SMCHD1: variants seen among roughly 807,000 people sequenced by gnomAD.
SMCHD1 encodes structural maintenance of chromosomes flexible hinge domain containing 1, also known as structural maintenance of chromosomes flexible hinge domain-containing protein 1.
In SMCHD1, 78 loss-of-function variants were observed where a neutral mutation model predicts 254.7. The ratio of observed to expected loss-of-function variants is 0.31; its 90% confidence interval spans 0.26 to 0.37. SMCHD1 has a LOEUF of 0.37. Ranked by LOEUF, SMCHD1 falls within the 10% of genes least tolerant of loss-of-function variation. SMCHD1 has a pLI of 1.00. For synonymous variants in SMCHD1, 766 were observed against 794.9 expected, an observed-to-expected ratio of 0.96 and a Z score of 0.61; for missense variants, 1,840 against 2,408.1, an observed-to-expected ratio of 0.76 and a Z score of 4.94.
rs1396069628 is a variant in SMCHD1, at chr18:2,686,847, TTATA to T, written c.639-1543_639-1540del. On this transcript the variant is annotated intron_variant, in intron 5 of 47. Transcript: ENST00000320876. Reference sequence around the variant, plus strand: ...TCAATGTTGTCTTTATTTTGATTATTTATATATGAGGATAGGACTTTTTATACCA... The same window carrying T: ...TCAATGTTGTCTTTATTTTGATTATTTATGAGGATAGGACTTTTTATACCA... 3.3e-5 allele frequency among the ~76,000 whole-genome samples: 5 copies of T among 152,272 alleles called. No homozygotes were observed. In the East Asian group the frequency reaches 9.6e-4, roughly 29 times the overall value.
intron 7 of SMCHD1, among the ~76,000 whole-genome samples, chr18:2,693,977 T>C (rs2074236531): frequency 6.6e-6 from 1 of 152,216 alleles, no homozygotes; most frequent in African/African-American, 2.4e-5. Context: ...GAGAAGTTTG[T>C]AATTTTATCC....
At chr18:2,662,971 C>T (rs1291835057) in intron 1 of SMCHD1, among the ~76,000 whole-genome samples, 1 of 152,122 alleles carries the variant, frequency 6.6e-6, no homozygotes, top group Non-Finnish European at 1.5e-5. Flanking sequence ...TTTCTCTGTA[C>T]AGAGGCCTAC....
intron 17 of SMCHD1, among the ~76,000 whole-genome samples, chr18:2,708,914 T>TATATATA (rs1568199382): frequency 1.9e-5 from 1 of 51,586 alleles, no homozygotes; most frequent in African/African-American, 1.1e-4. Context: ...ATATAACATA[T>TATATATA]TAACATGAAA....
Position 2,655,867 on chromosome 18 carries a change from G to A in SMCHD1, c.-209G>A. The stretch of plus-strand genomic sequence containing the variant: ...TGGCGGGCCGCGGAAGTGACGTGGT[G>A]CACGGGCAGGAGCGCGTTTGAATCG... On this transcript the variant is annotated 5_prime_UTR_variant, in exon 1 of 48. Transcript: ENST00000320876. 1 of 366,654 alleles carries A rather than the reference G, an allele frequency of 2.7e-6. No homozygotes were observed. Among genetic ancestry groups the A allele is most frequent in the Non-Finnish European group, 4.8e-6 (1 of 206,708 alleles). 22.7% of individuals were successfully genotyped at this position (366,654 alleles called of 1,614,324 possible). A position where few individuals can be genotyped will look rare whatever the true frequency, so the allele number is the denominator to read the frequency against.
At chr18:2,752,316 T>C (rs1280137885) in intron 33 of SMCHD1, among the ~76,000 whole-genome samples, 172 bp from the exon 34 acceptor site, 3 of 152,168 alleles carry the variant, frequency 2.0e-5, no homozygotes, top group Admixed American at 6.5e-5. Context: ...AATCTCACAT[T>C]GTACCTTACA....
At chr18:2,765,393 T>G (rs1277011636) in intron 37 of SMCHD1, among the ~76,000 whole-genome samples, 1 of 152,210 alleles carries the variant, frequency 6.6e-6, no homozygotes, top group Non-Finnish European at 1.5e-5. Context: ...TGTATTTTTG[T>G]TGTTGTTCAT....
rs759140838 is a variant in SMCHD1 at position 2,747,601 on chromosome 18, C to T, written c.3881C>T (p.Pro1294Leu). 6.2e-6 allele frequency: 10 copies of T among 1,608,576 alleles called. No individual in the cohort carries two copies. The highest frequency in any genetic ancestry group is 2.2e-5 in the South Asian group (2 of 90,406). The change falls in exon 30 of 48, where the codon CCG becomes CTG. Residue 1294 changes from proline (P) to leucine (L), a missense_variant. Around this residue, in one of 9 missense-constraint regions of SMCHD1, gnomAD observed 881 missense variants for 1,009.5 expected, o/e 0.87. Coordinates refer to ENST00000320876, the MANE Select transcript of SMCHD1 (RefSeq NM_015295.3). ...QLCDQWDNPA[P>L]VQHVKISLTK... ...TGTGATCAGTGGGATAATCCAGCAC[C>T]GGTACAACATGTTAAAATAAGTCTT...
chr18:2,772,474 A>G, intron 41 of SMCHD1, 102 bp downstream of exon 41: 1 of 1,018,142 alleles, frequency 9.8e-7, no homozygotes, highest in Non-Finnish European at 1.4e-6. Context: ...GTTCTTTGTA[A>G]TTTACTTCTT....
In SMCHD1 at chr18:2,703,688, A is replaced by T. The variant is rs774078270; in HGVS notation, c.1648-4A>T. ...ATTTCATAAAACATTTTAAAATTCT[A>T]CAGGAACAGCGAATGAAAATTGACA... On this transcript the variant is annotated splice_region_variant and splice_polypyrimidine_tract_variant and intron_variant, in intron 12 of 47. Transcript: ENST00000320876. 3.7e-6 allele frequency: 6 copies of T among 1,600,862 alleles called. No homozygotes were observed. The highest frequency in any genetic ancestry group is 1.4e-5 in the African/African-American group (1 of 74,072).
At chr18:2,673,687 G>A (rs181650227) in intron 4 of SMCHD1, among the ~76,000 whole-genome samples, 2 of 152,218 alleles carry the variant, frequency 1.3e-5, no homozygotes, top group Admixed American at 6.5e-5. Flanking sequence ...GTGTTCTGTT[G>A]TTGAACATTT....
intron 17 of SMCHD1, among the ~76,000 whole-genome samples, chr18:2,715,760 G>A (rs142739767): frequency 1.7e-3 from 254 of 152,288 alleles, no homozygotes; most frequent in Non-Finnish European, 2.7e-3. Context: ...AGGAGGCTGA[G>A]GTGGGAGGAT....
intron 12 of SMCHD1, among the ~76,000 whole-genome samples, chr18:2,702,685 C>T (rs1174857150): frequency 6.6e-6 from 1 of 152,092 alleles, no homozygotes; most frequent in African/African-American, 2.4e-5. Context: ...GAGTCTTTAC[C>T]ATGTATATAT....
At chr18:2,726,917 G>T (rs1006998422) in intron 22 of SMCHD1, 1 of 154,450 alleles carries the variant, frequency 6.5e-6, no homozygotes, top group African/African-American at 2.4e-5. Flanking sequence ...CTGAGAAAAT[G>T]AAGTTGCATT....
intron 17 of SMCHD1, among the ~76,000 whole-genome samples, chr18:2,711,265 T>C (rs78107873): frequency 4.0e-4 from 24 of 60,272 alleles, no homozygotes; most frequent in Non-Finnish European, 5.8e-4. Context: ...CATGGCTCCC[T>C]TTTTTTTTTT....
In SMCHD1 at chr18:2,674,614, C is replaced by G. The variant is rs896657778; in HGVS notation, c.638+469C>G. On this transcript the variant is annotated intron_variant, in intron 5 of 47. Coordinates refer to ENST00000320876, the MANE Select transcript of SMCHD1 (RefSeq NM_015295.3). Reference sequence around the variant, plus strand: ...TCAGAATGTGCTTGTAGAAAATATCCTGAATGAGGATGTCACAGGGAAAAC... The same window carrying G: ...TCAGAATGTGCTTGTAGAAAATATCGTGAATGAGGATGTCACAGGGAAAAC... 2.0e-5 allele frequency among the ~76,000 whole-genome samples: 3 copies of G among 152,084 alleles called. 1 individual carries two copies. The highest frequency in any genetic ancestry group is 2.0e-4 in the Admixed American group (3 of 15,266).
intron 1 of SMCHD1, among the ~76,000 whole-genome samples, chr18:2,660,955 A>G (rs951008080): frequency 6.6e-6 from 1 of 152,212 alleles, no homozygotes; most frequent in Non-Finnish European, 1.5e-5. Flanking sequence ...TCAACTGGAT[A>G]AAGATAATGT....
rs145960385 is a variant in SMCHD1, at chr18:2,774,614, G to A, written c.5176-1120G>A. Among the ~76,000 whole-genome samples the A allele has an allele frequency of 8.1e-3, 1,236 of 152,190 alleles. 26 individuals carry two copies. Among genetic ancestry groups the A allele is most frequent in the Non-Finnish European group, 7.5e-3 (513 of 68,004 alleles). The stretch of plus-strand genomic sequence containing the variant: ...TTTAGTGGAGATGGGGTTTCGTGAT[G>A]TTGCCCAAGCTGGTCTCAAACTCCT... On this transcript the variant is annotated intron_variant, in intron 41 of 47. Coordinates refer to ENST00000320876, the MANE Select transcript of SMCHD1 (RefSeq NM_015295.3).
rs761184318 is a variant in SMCHD1, at chr18:2,722,589, C to A, written c.2529C>A (p.Ile843=). Residue 843 remains isoleucine, a synonymous_variant, in exon 20 of 48, where the codon ATC becomes ATA. Transcript: ENST00000320876. ...LPFRVGVPFN[I]PLEFQDEFGH... The stretch of plus-strand genomic sequence containing the variant: ...TTCGTGTTGGAGTTCCATTTAATAT[C>A]CCTCTGGAGTTTCAGGATGAATTTG... 6.2e-6 allele frequency: 10 copies of A among 1,612,870 alleles called. No homozygotes were observed. Among genetic ancestry groups the A allele is most frequent in the South Asian group, 2.2e-5 (2 of 90,972 alleles).
In SMCHD1 at chr18:2,750,400, A is replaced by C. The variant is rs2075548686; in HGVS notation, c.4058A>C (p.Glu1353Ala). 1.2e-6 allele frequency: 2 copies of C among 1,612,736 alleles called. No individual in the cohort carries two copies. ...VKAIYNKSII[E>A]GPIIKLMILP... Reference sequence around the variant, plus strand: ...GCCATCTATAACAAAAGTATCATAGAAGGACCTATAATTAAGTTAATGATT... The same window carrying C: ...GCCATCTATAACAAAAGTATCATAGCAGGACCTATAATTAAGTTAATGATT... The change falls in exon 32 of 48, where the codon GAA (glutamate) becomes GCA (alanine). Residue 1353 changes from glutamate to alanine, a missense_variant. This residue lies in a region of SMCHD1 where 881 missense variants were observed against 1,009.5 expected (regional missense o/e 0.87). Transcript: ENST00000320876.
Sources: allele counts gnomAD v4.1 joint callset (sites outside exome capture counted in the v4.1 genomes callset), GRCh38; gene constraint gnomAD v4.1.1; regional missense constraint gnomAD v4.1.1; transcripts MANE v1.5; gene names NCBI Gene and HGNC (gene_info 2026-07-23, HGNC 2026-07-21).